The following RYR3 variants were observed in gnomAD, a reference collection of about 807,000 sequenced individuals.
RYR3 encodes brain ryanodine receptor-calcium release channel.
Under a neutral mutation model 584.3 loss-of-function variants are expected in RYR3, and 207 were observed. That is an observed-to-expected ratio of 0.35 (90% CI 0.32 to 0.40). RYR3 has a LOEUF of 0.40. Among genes scored for constraint, RYR3 ranks in the 10% least tolerant of loss-of-function variants. The pLI is 1.00. For synonymous variants in RYR3, 2,416 were observed against 2,248.5 expected (o/e 1.07, Z -2.11); for missense variants, 5,616 against 6,089.2 (o/e 0.92, Z 2.59).
intron 1 of RYR3, among the ~76,000 whole-genome samples, chr15:33,345,069 T>C (rs897950966): frequency 2.0e-5 from 3 of 152,238 alleles, no homozygotes; most frequent in African/African-American, 4.8e-5. Flanking sequence ...GTCTCGTTTC[T>C]AGTCCACTGC....
chr15:33,740,196 G>T (rs71462877), intron 51 of RYR3, among the ~76,000 whole-genome samples: 1 of 152,136 alleles, frequency 6.6e-6, no homozygotes, highest in Admixed American at 6.5e-5. Flanking sequence ...GGTTTTTGGT[G>T]GGGGAGGAAA....
intron 1 of RYR3, among the ~76,000 whole-genome samples, chr15:33,428,952 T>G (rs559215615): frequency 6.6e-6 from 1 of 152,342 alleles, no homozygotes; most frequent in Admixed American, 6.5e-5. Context: ...TGAGATTCTT[T>G]ACTGTTAGAG....
chr15:33,576,646 C>T (rs1203856926), intron 12 of RYR3, among the ~76,000 whole-genome samples: 2 of 152,140 alleles, frequency 1.3e-5, no homozygotes, highest in African/African-American at 2.4e-5. Context: ...ATGACAAACC[C>T]ACAGTCAATA....
At chr15:33,832,086 G>C (rs2152972398) in intron 86 of RYR3, among the ~76,000 whole-genome samples, 1 of 152,144 alleles carries the variant, frequency 6.6e-6, no homozygotes, top group Middle Eastern at 3.4e-3. Context: ...CTGAGCTCAG[G>C]AGTTCGAGAC....
Position 33,417,233 on chromosome 15 carries a change from T to C in RYR3, c.52-56186T>C, listed in dbSNP as rs190365053. ...TTTTCTAATTCTGTAAAAAATAATA[T>C]TGGTAATTTGATAGGAATAGCACTT... On this transcript the variant is annotated intron_variant, in intron 1 of 103. Coordinates refer to ENST00000634891, the MANE Select transcript of RYR3 (RefSeq NM_001036.6). 2.0e-3 allele frequency among the ~76,000 whole-genome samples: 310 copies of C among 152,240 alleles called. 1 individual carries two copies. The highest frequency in any genetic ancestry group is 3.2e-3 in the Non-Finnish European group (216 of 67,998).
chr15:33,823,347 T>C (rs1341167406), intron 81 of RYR3, among the ~76,000 whole-genome samples: 2 of 152,192 alleles, frequency 1.3e-5, no homozygotes, highest in African/African-American at 2.4e-5. Context: ...TCCACGTTTA[T>C]GTTGCTTTCC....
chr15:33,776,408 C>T lies in RYR3; in HGVS notation c.9137+2793C>T, dbSNP rs55871004. ...GAGATACTTTGATGAACTTAAAGAG[C>T]ATTTGATGGGGGTTATTCAAGAAAG... On this transcript the variant is annotated intron_variant, in intron 64 of 103. Coordinates refer to ENST00000634891, the MANE Select transcript of RYR3 (RefSeq NM_001036.6). Among the ~76,000 whole-genome samples the T allele has an allele frequency of 8.7e-3, 1,319 of 152,300 alleles. 9 individuals carry two copies. The highest frequency in any genetic ancestry group is 0.013 in the Non-Finnish European group (873 of 68,022).
At chr15:33,822,899 C>T (rs149850145) in intron 80 of RYR3, 97 bp from the exon 81 acceptor site, 34,897 of 923,640 alleles carry the variant, frequency 0.038, 998 homozygotes, top group Non-Finnish European at 0.039. Context: ...GAGCGTCCAA[C>T]TCAGTGTGGC....
intron 1 of RYR3, among the ~76,000 whole-genome samples, chr15:33,444,555 A>G (rs1260092474): frequency 6.6e-6 from 1 of 152,180 alleles, no homozygotes; most frequent in Admixed American, 6.5e-5. Flanking sequence ...ACTAGTAGAG[A>G]AGAGACAAGT....
Position 33,837,835 on chromosome 15 carries a change from A to T in RYR3, c.11855A>T (p.Lys3952Ile). ...KEFQKAMEGQ[K>I]QYTQSEIDFL... ...TTCCAGAAGGCCATGGAAGGGCAAA[A>T]ACAGTACACGCAGTCAGAGATTGAC... The change falls in exon 89 of 104, where the codon AAA becomes ATA. Residue 3952 changes from lysine (K) to isoleucine (I), a missense_variant. By Grantham distance (102) the Lys-to-Ile change is moderately radical. Coordinates refer to ENST00000634891, the MANE Select transcript of RYR3 (RefSeq NM_001036.6). 1 of 1,614,050 alleles carries T rather than the reference A, an allele frequency of 6.2e-7. No homozygotes were observed. The highest frequency in any genetic ancestry group is 1.3e-5 in the African/African-American group (1 of 75,066).
At chr15:33,571,102 A>G (rs2058003912) in intron 12 of RYR3, among the ~76,000 whole-genome samples, 1 of 137,614 alleles carries the variant, frequency 7.3e-6, no homozygotes, top group Admixed American at 7.4e-5. Context: ...ATCCACTACA[A>G]TGTGGAATAA....
intron 1 of RYR3, among the ~76,000 whole-genome samples, chr15:33,345,000 C>A (rs1389280461): frequency 6.6e-6 from 1 of 152,236 alleles, no homozygotes; most frequent in Non-Finnish European, 1.5e-5. Flanking sequence ...CAGATGTGAA[C>A]TGACTTCCCC....
Position 33,584,398 on chromosome 15 carries a change from C to T in RYR3, c.1577C>T (p.Ala526Val). The T allele has an allele frequency of 1.9e-6, 3 of 1,585,990 alleles. No individual in the cohort carries two copies. Among genetic ancestry groups the T allele is most frequent in the Non-Finnish European group, 2.6e-6 (3 of 1,156,528 alleles). The stretch of plus-strand genomic sequence containing the variant: ...TCAAACATCTCCTTGTTTGCAGCTG[C>T]TCTCATTCGCGGAAACAGAAACAAT... ...ILNLLYKLLA[A>V]LIRGNRNNCA... The change falls in exon 15 of 104, where the codon GCT becomes GTT. Residue 526 changes from alanine to valine, a missense_variant. Physicochemically the swap from Ala to Val is moderately conservative, Grantham distance 64. Coordinates refer to ENST00000634891, the MANE Select transcript of RYR3 (RefSeq NM_001036.6).
At chr15:33,847,347 GTGGGGTACATGCATA>G (rs2078792091) in intron 93 of RYR3, 2 of 152,226 alleles carry the variant, frequency 1.3e-5, no homozygotes. Context: ...CAAAAGCGAT[GTGGGGTACATGCATA>G]TCATGGGTTT....
At chr15:33,826,127 G>A in intron 82 of RYR3, 125 bp from the exon 83 acceptor site, 1 of 887,900 alleles carries the variant, frequency 1.1e-6, no homozygotes, top group Non-Finnish European at 1.8e-6. Context: ...GCTTCCATCG[G>A]TAGCTTTAAT....
chr15:33,613,473 T>G, intron 19 of RYR3, 98 bp downstream of exon 19: 2 of 1,211,616 alleles, frequency 1.7e-6, no homozygotes, highest in East Asian at 5.0e-5. Flanking sequence ...AGGGCTTCAG[T>G]ACTGTGAACT....
intron 60 of RYR3, among the ~76,000 whole-genome samples, chr15:33,764,579 A>T (rs1291299777): frequency 2.0e-5 from 2 of 98,910 alleles, no homozygotes. Flanking sequence ...ACCATAATTA[A>T]AAAAAAAAAA....
At chr15:33,663,856 A>G in intron 36 of RYR3, 119 bp downstream of exon 36, 1 of 795,336 alleles carries the variant, frequency 1.3e-6, no homozygotes, top group Non-Finnish European at 2.0e-6. Flanking sequence ...GAAGATGAAA[A>G]GACCCACTGC....
At chr15:33,849,673 A>C (rs955828938) in intron 94 of RYR3, 1 of 152,244 alleles carries the variant, frequency 6.6e-6, no homozygotes, top group Admixed American at 6.5e-5. Context: ...GACTGTGTTG[A>C]AACTCTTAGG....
Sources: allele counts gnomAD v4.1 joint callset (sites outside exome capture counted in the v4.1 genomes callset), GRCh38; gene constraint gnomAD v4.1.1; transcripts MANE v1.5; gene names NCBI Gene and HGNC (gene_info 2026-07-23, HGNC 2026-07-21).